Variants in SERHL2 observed in about 807,000 individuals in gnomAD.
SERHL2 encodes the protein serine hydrolase-like protein 2.
SERHL2 carries 29 observed loss-of-function variants against 25.5 expected under a neutral mutation model. The ratio of observed to expected loss-of-function variants is 1.14; its 90% CI spans 0.85 to 1.55. The LOEUF (loss-of-function observed/expected upper bound fraction) is 1.55, where lower values mean the gene tolerates loss of function less well. Among genes scored for constraint, SERHL2 ranks in the 40% most tolerant of loss-of-function variants. SERHL2 has a pLI of 0.00. For missense variants in SERHL2, 240 were observed against 252.3 expected, an observed-to-expected ratio of 0.95 and a Z score of 0.33; for synonymous variants, 95 against 103.5, an observed-to-expected ratio of 0.92 and a Z score of 0.50.
intron 10 of SERHL2, 49 bp downstream of exon 10, chr22:42,571,252 G>T (rs764082023): frequency 6.2e-7 from 1 of 1,607,102 alleles, no homozygotes; most frequent in Admixed American, 1.7e-5. Context: ...AGACATGGGC[G>T]CCAGGAATCT....
At chr22:42,561,119 A>AT (rs1922628685) in intron 8 of SERHL2, among the ~76,000 whole-genome samples, 1 of 151,938 alleles carries the variant, frequency 6.6e-6, no homozygotes, top group Non-Finnish European at 1.5e-5. Context: ...GAACAGGCAC[A>AT]TGAGTGGTTA....
intron 8 of SERHL2, among the ~76,000 whole-genome samples, chr22:42,564,065 T>A (rs1923028543): frequency 6.6e-6 from 1 of 151,702 alleles, no homozygotes; most frequent in Non-Finnish European, 1.5e-5. Context: ...AGAGTGAAAC[T>A]TCGTCTCAGA....
chr22:42,554,402 G>C (rs376845862), intron 1 of SERHL2, among the ~76,000 whole-genome samples: 10 of 152,290 alleles, frequency 6.6e-5, no homozygotes, highest in Non-Finnish European at 1.2e-4. Flanking sequence ...CGCCCTTGTC[G>C]CCCAGTGTGA....
At chr22:42,571,316 G>A in intron 10 of SERHL2, 113 bp downstream of exon 10, 4 of 1,541,522 alleles carry the variant, frequency 2.6e-6, no homozygotes, top group South Asian at 1.2e-5. Flanking sequence ...CGACCACATC[G>A]CTAAGGCTCA....
rs752659963 is a variant in SERHL2, at chr22:42,556,580, G to C, written c.415G>C (p.Glu139Gln). 2.3e-5 allele frequency: 37 copies of C among 1,602,700 alleles called. No individual in the cohort carries two copies. Among genetic ancestry groups the C allele is most frequent in the Non-Finnish European group, 3.1e-5 (36 of 1,171,902 alleles). ...ILLDTPLFLL[E>Q]SDEMENLLTY... is the part of the protein sequence containing the mutation. Reference sequence around the variant, plus strand: ...GCTGGACACGCCGCTCTTTCTCCTGGAATCAGATGTGAGAAGCGGGCTTTC... The same window carrying C: ...GCTGGACACGCCGCTCTTTCTCCTGCAATCAGATGTGAGAAGCGGGCTTTC... The change falls in exon 6 of 12, where the codon GAA becomes CAA. Residue 139 changes from glutamate (E) to glutamine (Q), a missense_variant. Coordinates refer to ENST00000327678, the MANE Select transcript of SERHL2 (RefSeq NM_014509.5).
intron 9 of SERHL2, among the ~76,000 whole-genome samples, chr22:42,567,439 T>C (rs1035486534): frequency 1.1e-4 from 17 of 148,922 alleles, no homozygotes; most frequent in Non-Finnish European, 2.2e-4. Flanking sequence ...CCGAGGCGGG[T>C]GGATCACAAG....
intron 9 of SERHL2, among the ~76,000 whole-genome samples, chr22:42,570,787 C>T (rs549635659): frequency 1.3e-5 from 2 of 152,168 alleles, no homozygotes; most frequent in South Asian, 2.1e-4. Flanking sequence ...ACACCTAAGT[C>T]CTAAAATCCA....
At chr22:42,562,502 G>A (rs976555136) in intron 8 of SERHL2, among the ~76,000 whole-genome samples, 4 of 151,852 alleles carry the variant, frequency 2.6e-5, no homozygotes, top group Admixed American at 6.6e-5. Flanking sequence ...GAGGTTCTCT[G>A]GGTGGGTTAC....
chr22:42,566,568 A>C (rs1270957299), intron 9 of SERHL2, among the ~76,000 whole-genome samples: 1 of 151,224 alleles, frequency 6.6e-6, no homozygotes, highest in Non-Finnish European at 1.5e-5. Flanking sequence ...GAAAAAAAAA[A>C]CAAAAGAAAT....
At chr22:42,560,886 C>G (rs937436812) in intron 8 of SERHL2, among the ~76,000 whole-genome samples, 7 of 151,840 alleles carry the variant, frequency 4.6e-5, no homozygotes, top group Non-Finnish European at 1.0e-4. Flanking sequence ...CAGGTGTGAG[C>G]TACTGTGCCT....
chr22:42,571,490 G>A (rs1171028409), intron 10 of SERHL2: 3 of 1,247,550 alleles, frequency 2.4e-6, no homozygotes, highest in Middle Eastern at 3.3e-4. Flanking sequence ...AGTGAGCCCA[G>A]TCTCGGCTGA....
At chr22:42,563,645 A>T (rs1388722576) in intron 8 of SERHL2, among the ~76,000 whole-genome samples, 1 of 151,912 alleles carries the variant, frequency 6.6e-6, no homozygotes, top group Non-Finnish European at 1.5e-5. Context: ...AATCAAAAAC[A>T]TTTGGCATGG....
At chr22:42,567,519 C>T (rs1923561207) in intron 9 of SERHL2, among the ~76,000 whole-genome samples, 1 of 151,008 alleles carries the variant, frequency 6.6e-6, no homozygotes, top group African/African-American at 2.4e-5. Context: ...AAAAAATTAG[C>T]CGGGCGCGGT....
chr22:42,561,176 G>T (rs1314162591), intron 8 of SERHL2, among the ~76,000 whole-genome samples: 1 of 151,922 alleles, frequency 6.6e-6, no homozygotes, highest in Non-Finnish European at 1.5e-5. Context: ...CTCTAGAAGA[G>T]ACTCATGGCG....
chr22:42,571,614 C>T (rs763279049), intron 10 of SERHL2: 62 of 307,946 alleles, frequency 2.0e-4, no homozygotes, highest in Non-Finnish European at 2.8e-4. Context: ...TTAGTAGAGA[C>T]GAGGTTTCGC....
chr22:42,559,271 T>G (rs910950591), intron 7 of SERHL2, among the ~76,000 whole-genome samples: 2 of 130,830 alleles, frequency 1.5e-5, no homozygotes, highest in Admixed American at 7.8e-5. Context: ...CTGGTCGTGG[T>G]GGCACACGCC....
At chr22:42,568,417 G>C (rs372892360) in intron 9 of SERHL2, among the ~76,000 whole-genome samples, 1 of 151,598 alleles carries the variant, frequency 6.6e-6, no homozygotes, top group Non-Finnish European at 1.5e-5. Context: ...CCTTGTGTGT[G>C]CTGACCTTCG....
At chr22:42,572,856 G>A (rs895725373) in intron 11 of SERHL2, 1 of 385,962 alleles carries the variant, frequency 2.6e-6, no homozygotes, top group African/African-American at 2.2e-5. Flanking sequence ...ATTTTTAAGA[G>A]ATGGGGTTTC....
Position 42,571,299 on chromosome 22 carries a change from T to C in SERHL2, c.731+96T>C. The C allele has an allele frequency of 3.2e-6, 5 of 1,579,444 alleles. No individual in the cohort carries two copies. In the Admixed American group the frequency reaches 5.4e-5, roughly 17 times the overall value. ...CCCTGGCATGAGGCTCCAAGTTCTC[T>C]GCGTGTCGACCACATCGCTAAGGCT... On this transcript the variant is annotated intron_variant, in intron 10 of 11. Transcript: ENST00000327678.
Sources: gnomAD v4.1 joint callset for allele counts (sites outside exome capture counted in the v4.1 genomes callset) on GRCh38, gnomAD v4.1.1 for gene constraint, MANE v1.5 for transcripts, NCBI Gene and HGNC (gene_info 2026-07-23, HGNC 2026-07-21) for gene names.